DAP: variants seen among roughly 807,000 people sequenced by gnomAD.
The protein encoded by DAP is death associated protein.
DAP carries 8 observed loss-of-function variants against 13.8 expected under a neutral mutation model. The ratio of observed to expected loss-of-function variants is 0.58; its 90% CI spans 0.34 to 1.05. DAP has a LOEUF of 1.05. Ranked by LOEUF, DAP falls within the 50% of genes least tolerant of loss-of-function variation. The pLI is 0.03. For missense variants in DAP, 106 were observed against 133.2 expected (o/e 0.80, Z 1.01); for synonymous variants, 47 against 47.5 (o/e 0.99, Z 0.04).
At chr5:10,694,044 C>T (rs534475497) in intron 2 of DAP, among the ~76,000 whole-genome samples, 3 of 152,200 alleles carry the variant, frequency 2.0e-5, no homozygotes, top group East Asian at 3.9e-4. Context: ...CGGGAGGAAG[C>T]GCAAGGGCTG....
At chr5:10,736,992 A>G (rs1302419212) in intron 2 of DAP, among the ~76,000 whole-genome samples, 1 of 152,088 alleles carries the variant, frequency 6.6e-6, no homozygotes, top group African/African-American at 2.4e-5. Flanking sequence ...GCACTCCAGC[A>G]CCTGGGTCAG....
intron 2 of DAP, among the ~76,000 whole-genome samples, chr5:10,690,969 G>GTT (rs5745266): frequency 3.9e-5 from 6 of 152,130 alleles, no homozygotes; most frequent in African/African-American, 9.6e-5. Context: ...GTTTTATTCT[G>GTT]TTTTTTTGGA....
At chr5:10,741,715 C>A (rs1040123879) in intron 2 of DAP, among the ~76,000 whole-genome samples, 31 of 152,182 alleles carry the variant, frequency 2.0e-4, no homozygotes, top group African/African-American at 7.5e-4. Flanking sequence ...TGCCTACTTG[C>A]TAAAATTTAT....
chr5:10,718,257 T>C (rs545018113), intron 2 of DAP, among the ~76,000 whole-genome samples: 1 of 152,318 alleles, frequency 6.6e-6, no homozygotes, highest in South Asian at 2.1e-4. Flanking sequence ...GGTCATGTCA[T>C]TAACGGAGCT....
chr5:10,717,274 A>T (rs267980), intron 2 of DAP, among the ~76,000 whole-genome samples: 3 of 151,978 alleles, frequency 2.0e-5, no homozygotes, highest in Non-Finnish European at 2.9e-5. Context: ...GTAGAGAAAG[A>T]GCTGAAATTG....
At chr5:10,744,500 G>C (rs1017274812) in intron 2 of DAP, among the ~76,000 whole-genome samples, 4 of 152,192 alleles carry the variant, frequency 2.6e-5, no homozygotes, top group African/African-American at 9.7e-5. Context: ...AGGATTATGG[G>C]TTTGAGGAGC....
chr5:10,683,379 A>T (rs1738072243), intron 3 of DAP, 150 bp downstream of exon 3: 1 of 833,276 alleles, frequency 1.2e-6, no homozygotes, highest in Non-Finnish European at 2.1e-6. Flanking sequence ...CTCTGGGGAA[A>T]CGCGGCAATG....
Position 10,686,027 on chromosome 5 carries a change from C to A in DAP, c.153-2456G>T, listed in dbSNP as rs141494921. Among the ~76,000 whole-genome samples the A allele has an allele frequency of 3.1e-3, 467 of 152,304 alleles. 4 individuals are homozygous for A. The highest frequency in any genetic ancestry group is 0.01 in the African/African-American group (432 of 41,564). On this transcript the variant is annotated intron_variant, in intron 2 of 3. Coordinates refer to ENST00000230895, the MANE Select transcript of DAP (RefSeq NM_004394.3). Reference sequence around the variant, plus strand: ...GAATTGAAGGTTTGTGGCAACTCTGCATAAGCAAGTCTATGGGTGTCCATC... The same window carrying A: ...GAATTGAAGGTTTGTGGCAACTCTGAATAAGCAAGTCTATGGGTGTCCATC...
At chr5:10,738,865 T>C (rs1739682249) in intron 2 of DAP, among the ~76,000 whole-genome samples, 1 of 152,206 alleles carries the variant, frequency 6.6e-6, no homozygotes, top group Non-Finnish European at 1.5e-5. Flanking sequence ...AAAGTTCGTA[T>C]AAACAGACAG....
chr5:10,721,856 A>G (rs1739152696), intron 2 of DAP, among the ~76,000 whole-genome samples: 1 of 152,182 alleles, frequency 6.6e-6, no homozygotes, highest in African/African-American at 2.4e-5. Context: ...GCATGTATAC[A>G]CTTGTACTAA....
At chr5:10,730,421 G>A (rs1471754156) in intron 2 of DAP, among the ~76,000 whole-genome samples, 1 of 151,844 alleles carries the variant, frequency 6.6e-6, no homozygotes, top group Non-Finnish European at 1.5e-5. Flanking sequence ...CGGTGGGGGG[G>A]AATCTTTCTC....
chr5:10,706,364 G>C (rs1738699623), intron 2 of DAP, among the ~76,000 whole-genome samples: 1 of 152,184 alleles, frequency 6.6e-6, no homozygotes, highest in Non-Finnish European at 1.5e-5. Context: ...ACAGTTTACA[G>C]ATAAGGACAC....
intron 2 of DAP, among the ~76,000 whole-genome samples, chr5:10,744,676 A>G (rs185281153): frequency 5.6e-4 from 86 of 152,336 alleles, no homozygotes; most frequent in African/African-American, 1.9e-3. Context: ...GACCGACTAC[A>G]TATCATTGGG....
Position 10,680,473 on chromosome 5 carries a change from G to A in DAP, c.*583C>T. 1.9e-6 allele frequency: 1 copy of A among 522,784 alleles called. No homozygotes were observed. The highest frequency in any genetic ancestry group is 3.4e-6 in the Non-Finnish European group (1 of 297,056). The allele number at this position is 522,784 out of a possible 1,614,324, so 32.4% of individuals were successfully genotyped here. On this transcript the variant is annotated 3_prime_UTR_variant, in exon 4 of 4. Coordinates refer to ENST00000230895, the MANE Select transcript of DAP (RefSeq NM_004394.3). ...CCTGGAATTGAGGGGCTATTTCTAA[G>A]ATGCATGCTTTTTCGGCTTTTCTCA... is the stretch of plus-strand genomic sequence containing the variant.
intron 2 of DAP, among the ~76,000 whole-genome samples, chr5:10,742,160 T>G (rs1486915803): frequency 6.6e-6 from 1 of 152,210 alleles, no homozygotes; most frequent in Non-Finnish European, 1.5e-5. Flanking sequence ...AAAAAAGAGC[T>G]ATCCGTTCTC....
At position 10,713,653 on chromosome 5, in the gene DAP, C is replaced by A. The variant is rs934055212; in HGVS notation, c.153-30082G>T. ...TCAAACCCAAGTCTCCTGCCCCAAG[C>A]CCTGTGCACTCCGTCCACTAGAGGC... is the stretch of plus-strand genomic sequence containing the variant. On this transcript the variant is annotated intron_variant, in intron 2 of 3. Transcript: ENST00000230895. Among the ~76,000 whole-genome samples the A allele has an allele frequency of 7.4e-4, 112 of 152,354 alleles. No individual in the cohort carries two copies. The Middle Eastern group carries it at 0.014, about 19-fold the overall frequency.
chr5:10,712,059 G>A (rs1371773994), intron 2 of DAP, among the ~76,000 whole-genome samples: 1 of 152,118 alleles, frequency 6.6e-6, no homozygotes, highest in Admixed American at 6.5e-5. Flanking sequence ...CCTTTAAAGA[G>A]GTGATTAAGT....
At chr5:10,702,218 C>T (rs1384119835) in intron 2 of DAP, among the ~76,000 whole-genome samples, 1 of 152,172 alleles carries the variant, frequency 6.6e-6, no homozygotes, top group Non-Finnish European at 1.5e-5. Context: ...ATGCTTTGAG[C>T]ACCAAATGAC....
At chr5:10,691,015 G>A (rs753409564) in intron 2 of DAP, among the ~76,000 whole-genome samples, 13 of 152,266 alleles carry the variant, frequency 8.5e-5, no homozygotes, top group East Asian at 5.8e-4. Context: ...AGGAAGTATC[G>A]TACTGTGGTT....
Sources: gnomAD v4.1 joint callset for allele counts (sites outside exome capture counted in the v4.1 genomes callset) on GRCh38, gnomAD v4.1.1 for gene constraint, MANE v1.5 for transcripts, NCBI Gene and HGNC (gene_info 2026-07-23, HGNC 2026-07-21) for gene names.